Variants in FRAS1 observed in about 807,000 individuals in gnomAD.
The protein encoded by FRAS1 is Fraser extracellular matrix complex subunit 1.
In FRAS1, 290 loss-of-function variants were observed where a neutral mutation model predicts 435.2. The observed-to-expected ratio is 0.67, with a 90% CI of 0.61 to 0.73. The LOEUF (loss-of-function observed/expected upper bound fraction) is 0.73. Ranked by LOEUF, FRAS1 falls within the 30% of genes least tolerant of loss-of-function variation. The probability of loss-of-function intolerance (pLI) is 0.00; values close to 1 mark genes in which losing one functional copy is unlikely to be tolerated. For missense variants in FRAS1, 4,860 were observed against 5,001.5 expected (o/e 0.97, Z 0.85); for synonymous variants, 1,800 against 1,851.0 (o/e 0.97, Z 0.71).
intron 2 of FRAS1, among the ~76,000 whole-genome samples, chr4:78,129,487 G>A (rs965755641): frequency 4.6e-5 from 7 of 152,120 alleles, no homozygotes; most frequent in Admixed American, 6.5e-5. Context: ...AGTGGCCATG[G>A]CCCCCTGATA....
At chr4:78,434,932 T>G (rs1418675175) in intron 38 of FRAS1, among the ~76,000 whole-genome samples, 1 of 152,042 alleles carries the variant, frequency 6.6e-6, no homozygotes, top group African/African-American at 2.4e-5. Flanking sequence ...AGTAGGAACA[T>G]TTAGTATTGA....
At position 78,332,191 on chromosome 4, in the gene FRAS1, G is replaced by A. The variant is rs139540125; in HGVS notation, c.2138-1081G>A. Among the ~76,000 whole-genome samples, 986 of 152,260 alleles carry A rather than the reference G, an allele frequency of 6.5e-3. 5 individuals are homozygous for A. Among genetic ancestry groups the A allele is most frequent in the Non-Finnish European group, 9.6e-3 (652 of 68,012 alleles). On this transcript the variant is annotated intron_variant, in intron 18 of 73. Coordinates refer to ENST00000512123, the MANE Select transcript of FRAS1 (RefSeq NM_025074.7). ...AGTGTAAGCGTATGATAAGGGAGGT[G>A]GTGGGAGTGTGAGTTCTGGACTAGT...
chr4:78,223,953 ATTATT>A (rs1168605662), intron 2 of FRAS1, among the ~76,000 whole-genome samples: 1 of 152,128 alleles, frequency 6.6e-6, no homozygotes, highest in African/African-American at 2.4e-5. Flanking sequence ...TATTATTATT[ATTATT>A]TTATGTCATG....
chr4:78,359,357 G>T (rs1029560048), intron 20 of FRAS1, among the ~76,000 whole-genome samples: 1 of 152,104 alleles, frequency 6.6e-6, no homozygotes, highest in African/African-American at 2.4e-5. Flanking sequence ...GCTTCTTTCC[G>T]TGGAGATCGT....
In FRAS1 at chr4:78,539,394, T is replaced by C. The variant is rs1451457394; in HGVS notation, c.11399T>C (p.Met3800Thr). Residue 3800 changes from methionine (M) to threonine (T), a missense_variant, in exon 73 of 74, where the codon ATG becomes ACG. Coordinates refer to ENST00000512123, the MANE Select transcript of FRAS1 (RefSeq NM_025074.7). The part of the protein sequence containing the change: ...ELPDFHVVSN[M>T]PGVDGFTLKV... ...CCTGATTTCCATGTGGTCAGTAACA[T>C]GCCAGGTGTGGATGGATTTACTCTA... 5 of 1,612,362 alleles carry C rather than the reference T, an allele frequency of 3.1e-6. No homozygotes were observed. The highest frequency in any genetic ancestry group is 4.2e-6 in the Non-Finnish European group (5 of 1,179,266).
chr4:78,537,163 A>G lies in FRAS1; in HGVS notation c.11261A>G (p.Gln3754Arg), dbSNP rs1721911004. 6.2e-7 allele frequency: 1 copy of G among 1,613,914 alleles called. No homozygotes were observed. Among genetic ancestry groups the G allele is most frequent in the African/African-American group, 1.3e-5 (1 of 74,948 alleles). ...YNEGPQYGCIQPNKHLKHRFL... is the reference protein window; with the variant it reads ...YNEGPQYGCIRPNKHLKHRFL... ...GAAGGGCCCCAGTATGGATGCATTC[A>G]GCCAAACAAACACCTAAAACACAGA... Residue 3754 changes from glutamine to arginine, a missense_variant, in exon 72 of 74, where the codon CAG becomes CGG. Coordinates refer to ENST00000512123, the MANE Select transcript of FRAS1 (RefSeq NM_025074.7).
chr4:78,232,316 C>T (rs1458824960), intron 2 of FRAS1, among the ~76,000 whole-genome samples: 5 of 149,762 alleles, frequency 3.3e-5, no homozygotes, highest in African/African-American at 1.2e-4. Flanking sequence ...GACAATGTCT[C>T]ACTCTGTCTT....
chr4:78,343,571 A>G (rs1032270655), intron 20 of FRAS1, among the ~76,000 whole-genome samples: 1 of 152,124 alleles, frequency 6.6e-6, no homozygotes, highest in Non-Finnish European at 1.5e-5. Flanking sequence ...CTTCCACATC[A>G]TAAATAAACA....
chr4:78,064,783 T>C (rs565787756), intron 1 of FRAS1, among the ~76,000 whole-genome samples: 18 of 152,138 alleles, frequency 1.2e-4, no homozygotes, highest in African/African-American at 3.1e-4. Context: ...GTTAATATTA[T>C]TGGGACTTCA....
intron 35 of FRAS1, among the ~76,000 whole-genome samples, chr4:78,428,650 G>A (rs1421056427): frequency 1.3e-5 from 2 of 152,112 alleles, no homozygotes; most frequent in Non-Finnish European, 2.9e-5. Flanking sequence ...ATGAGACATA[G>A]ACTTGCCACT....
At chr4:78,099,667 C>T (rs377553723) in intron 2 of FRAS1, among the ~76,000 whole-genome samples, 2 of 152,272 alleles carry the variant, frequency 1.3e-5, no homozygotes, top group Non-Finnish European at 2.9e-5. Context: ...AGGTCACATA[C>T]AGTGAGAACA....
rs568572196 is a variant in FRAS1 at position 78,158,084 on chromosome 4, T to C, written c.109-79426T>C. On this transcript the variant is annotated intron_variant, in intron 2 of 73. Coordinates refer to ENST00000512123, the MANE Select transcript of FRAS1 (RefSeq NM_025074.7). ...GTACTGGTTAGTTACTATACCCTTG[T>C]AGTATACTTTGAAGTTAGGTAATGT... 5.3e-5 allele frequency among the ~76,000 whole-genome samples: 8 copies of C among 152,332 alleles called. No homozygotes were observed. The East Asian group carries it at 1.5e-3, about 29-fold the overall frequency.
At chr4:78,223,851 T>C (rs776890922) in intron 2 of FRAS1, among the ~76,000 whole-genome samples, 1 of 152,148 alleles carries the variant, frequency 6.6e-6, no homozygotes, top group Non-Finnish European at 1.5e-5. Context: ...GAAATGGAAA[T>C]AGAAGCAGCT....
In FRAS1 at chr4:78,286,433, C is replaced by T; in HGVS notation, c.1428C>T (p.Thr476=). Residue 476 remains threonine (T), a synonymous_variant, in exon 14 of 74, where the codon ACC becomes ACT. Coordinates refer to ENST00000512123, the MANE Select transcript of FRAS1 (RefSeq NM_025074.7). ...GCCAGCCCCAGTGCTCCACGTGTACCAGTGGGCTGGAGTGCTCATCCTGCC... is the reference window on the plus strand; with the variant it reads ...GCCAGCCCCAGTGCTCCACGTGTACTAGTGGGCTGGAGTGCTCATCCTGCC... ...LACQPQCSTC[T]SGLECSSCQP... The T allele has an allele frequency of 1.2e-6, 2 of 1,613,598 alleles. No individual in the cohort carries two copies. Among genetic ancestry groups the T allele is most frequent in the Non-Finnish European group, 1.7e-6 (2 of 1,179,860 alleles).
intron 2 of FRAS1, among the ~76,000 whole-genome samples, chr4:78,116,260 A>T (rs990816973): frequency 3.3e-5 from 5 of 152,152 alleles, no homozygotes; most frequent in Admixed American, 2.0e-4. Context: ...CTATGTAGTC[A>T]ATTTTGGAAT....
At chr4:78,291,979 A>G (rs72657044) in intron 14 of FRAS1, among the ~76,000 whole-genome samples, 35,186 of 152,144 alleles carry the variant, frequency 0.23, 5,147 homozygotes, top group Non-Finnish European at 0.33. Flanking sequence ...AATTTTTTCA[A>G]CTGCAAAATG....
At chr4:78,337,568 A>T (rs1730218471) in intron 19 of FRAS1, 106 bp from the exon 20 acceptor site, 8 of 1,287,268 alleles carry the variant, frequency 6.2e-6, no homozygotes, top group Non-Finnish European at 8.7e-6. Flanking sequence ...AAAGATGATT[A>T]GAGTTGGAGG....
At position 78,482,439 on chromosome 4, in the gene FRAS1, C is replaced by T; in HGVS notation, c.8656C>T (p.Leu2886=). ...CACTCAGTATCCGGTAATTGAAGGA[C>T]TGGAGACATTTGTGGTTTTCCTCAG... ...DDTQYPVIEG[L]ETFVVFLSSA... is the part of the protein sequence containing the mutation. The change falls in exon 58 of 74, where the codon CTG becomes TTG. Residue 2886 remains leucine (L), a synonymous_variant. Transcript: ENST00000512123. 6.2e-7 allele frequency: 1 copy of T among 1,613,894 alleles called. No individual in the cohort carries two copies.
In FRAS1 at chr4:78,541,710, G is replaced by A. The variant is rs1722059756; in HGVS notation, c.*586G>A. ...TTTTCCAGAGCCCTTTTTACCTGGG[G>A]ATTTCAGTGTGCTTAAGTAAAATCC... On this transcript the variant is annotated 3_prime_UTR_variant, in exon 74 of 74. Transcript: ENST00000512123. The A allele has an allele frequency of 2.0e-5, 3 of 152,176 alleles. No homozygotes were observed. In the South Asian group the frequency reaches 6.2e-4, roughly 31 times the overall value. 9.4% of individuals were successfully genotyped at this position (152,176 alleles called of 1,614,324 possible). A position where few individuals can be genotyped will look rare whatever the true frequency, so the allele number is the denominator to read the frequency against.
Sources: allele counts gnomAD v4.1 joint callset (sites outside exome capture counted in the v4.1 genomes callset), GRCh38; gene constraint gnomAD v4.1.1; transcripts MANE v1.5; gene names NCBI Gene and HGNC (gene_info 2026-07-23, HGNC 2026-07-21).